PLAT: variants seen among roughly 807,000 people sequenced by gnomAD.
PLAT encodes the protein tissue-type plasminogen activator.
A neutral mutation model predicts 74.9 loss-of-function variants in PLAT; 48 were observed. The ratio of observed to expected loss-of-function variants is 0.64; its 90% CI spans 0.51 to 0.82. PLAT has a LOEUF of 0.82. Ranked by LOEUF, PLAT falls within the 40% of genes least tolerant of loss-of-function variation. The pLI is 0.00. For missense variants in PLAT, 673 were observed against 736.2 expected, an observed-to-expected ratio of 0.91 and a Z score of 0.99; for synonymous variants, 307 against 294.4, an observed-to-expected ratio of 1.04 and a Z score of -0.44.
At chr8:42,178,470 A>G (rs1031597142) in intron 13 of PLAT, among the ~76,000 whole-genome samples, 1 of 152,066 alleles carries the variant, frequency 6.6e-6, no homozygotes, top group African/African-American at 2.4e-5. Flanking sequence ...GGGTTTCTCC[A>G]TGTTGGTCAG....
Position 42,175,877 on chromosome 8 carries a change from C to A in PLAT, c.*116G>T. On this transcript the variant is annotated 3_prime_UTR_variant, in exon 14 of 14. Transcript: ENST00000220809. The stretch of plus-strand genomic sequence containing the variant: ...CCCTCTCCTGTAGGGTCTCGTCCCG[C>A]TTCTGCGGTGTGGTGGGTCTGGAGA... 1.0e-6 allele frequency: 1 copy of A among 990,656 alleles called. No individual in the cohort carries two copies. Among genetic ancestry groups the A allele is most frequent in the Non-Finnish European group, 1.5e-6 (1 of 652,642 alleles). The allele number at this position is 990,656 out of a possible 1,614,324, so 61.4% of individuals were successfully genotyped here. A position where few individuals can be genotyped will look rare whatever the true frequency, so the allele number is the denominator to read the frequency against.
intron 1 of PLAT, among the ~76,000 whole-genome samples, chr8:42,198,712 A>C (rs1427430938): frequency 6.6e-6 from 1 of 152,232 alleles, no homozygotes; most frequent in Non-Finnish European, 1.5e-5. Context: ...ATGTTGCACC[A>C]TGTGCAAAGT....
intron 1 of PLAT, among the ~76,000 whole-genome samples, chr8:42,203,990 T>TACAC (rs1476463301): frequency 4.5e-4 from 55 of 121,108 alleles, no homozygotes; most frequent in East Asian, 1.3e-3. Flanking sequence ...TATATATATA[T>TACAC]ATACACACAC....
At chr8:42,192,945 G>A (rs946057063) in intron 2 of PLAT, among the ~76,000 whole-genome samples, 169 bp downstream of exon 2, 8 of 152,230 alleles carry the variant, frequency 5.3e-5, no homozygotes, top group African/African-American at 1.9e-4. Flanking sequence ...TTGCTGTACA[G>A]AAGGGAGTGT....
Position 42,189,015 on chromosome 8 carries a change from G to A in PLAT, c.172C>T (p.Arg58Cys), listed in dbSNP as rs767004270. Residue 58 changes from arginine (R) to cysteine (C), a missense_variant, in exon 4 of 14, where the codon CGC becomes TGC. By Grantham distance (180) the Arg-to-Cys change is radical. Coordinates refer to ENST00000220809, the MANE Select transcript of PLAT (RefSeq NM_000930.5). ...ACCCGGTTGCTTCTGAGCACAGGGC[G>A]CAGCCATGACTGATGTTGCTGGTAT... ...MIYQQHQSWLRPVLRSNRVEY... is the reference protein window; with the variant it reads ...MIYQQHQSWLCPVLRSNRVEY... 8.7e-6 allele frequency: 14 copies of A among 1,613,690 alleles called. No individual in the cohort carries two copies. The highest frequency in any genetic ancestry group is 2.7e-5 in the African/African-American group (2 of 74,900).
chr8:42,179,290 C>G (rs1462987132), intron 12 of PLAT, among the ~76,000 whole-genome samples: 1 of 152,162 alleles, frequency 6.6e-6, no homozygotes, highest in African/African-American at 2.4e-5. Context: ...TGCTTCGGAC[C>G]AGGGAGGTCC....
Position 42,182,864 on chromosome 8 carries a change from C to G in PLAT, c.658G>C (p.Gly220Arg). 1 of 1,609,840 alleles carries G rather than the reference C, an allele frequency of 6.2e-7. No homozygotes were observed. Among genetic ancestry groups the G allele is most frequent in the Non-Finnish European group, 8.5e-7 (1 of 1,178,794 alleles). Reference sequence around the variant, plus strand: ...CTGTGCGTGCCACGGTAGGCTGACCCATTCCCAAAGTAGCAGTCACTGTTT... The same window carrying G: ...CTGTGCGTGCCACGGTAGGCTGACCGATTCCCAAAGTAGCAGTCACTGTTT... ...EGNSDCYFGN[G>R]SAYRGTHSLT... Residue 220 changes from glycine (G) to arginine (R), a missense_variant, in exon 8 of 14, where the codon GGG becomes CGG. Transcript: ENST00000220809.
intron 2 of PLAT, among the ~76,000 whole-genome samples, chr8:42,192,655 T>A (rs2129772450): frequency 6.6e-6 from 1 of 152,348 alleles, no homozygotes; most frequent in Admixed American, 6.5e-5. Context: ...TAGAGATGAT[T>A]TAAAGTATAC....
Position 42,180,270 on chromosome 8 carries a change from G to T in PLAT, c.1194C>A (p.Phe398Leu). The T allele has an allele frequency of 6.2e-7, 1 of 1,614,194 alleles. No homozygotes were observed. The highest frequency in any genetic ancestry group is 8.5e-7 in the Non-Finnish European group (1 of 1,180,022). The change falls in exon 11 of 14, where the codon TTC (phenylalanine) becomes TTA (leucine). Residue 398 changes from phenylalanine (F) to leucine (L), a missense_variant. By Grantham distance (22) the Phe-to-Leu change is conservative (BLOSUM62 0). Transcript: ENST00000220809. ...TGTCATTGTCGTAAGTGTCATCATC[G>T]AATTCCTTATGGACAATGTATTTTT... The part of the protein sequence containing the change: ...EVEKYIVHKE[F>L]DDDTYDNDIA...
intron 6 of PLAT, chr8:42,186,878 CTATT>C (rs1015721774): frequency 1.0e-4 from 10 of 100,054 alleles, no homozygotes; most frequent in African/African-American, 2.4e-4. Flanking sequence ...CATCTATCAT[CTATT>C]TATCATTATC....
chr8:42,201,305 G>A (rs547217145), intron 1 of PLAT, among the ~76,000 whole-genome samples: 2 of 152,266 alleles, frequency 1.3e-5, no homozygotes, highest in East Asian at 1.9e-4. Context: ...AATCATTTCC[G>A]TCTTGCTGAA....
At chr8:42,197,477 G>A (rs1805953037) in intron 1 of PLAT, among the ~76,000 whole-genome samples, 1 of 152,226 alleles carries the variant, frequency 6.6e-6, no homozygotes, top group African/African-American at 2.4e-5. Context: ...TTTCCTGGGA[G>A]ATGTACTGTT....
At chr8:42,204,849 CTCT>C (rs1369373653) in intron 1 of PLAT, among the ~76,000 whole-genome samples, 1 of 151,894 alleles carries the variant, frequency 6.6e-6, no homozygotes, top group African/African-American at 2.4e-5. Context: ...GAAACCCTGT[CTCT>C]ACTAAAAATA....
At chr8:42,181,866 C>T in intron 9 of PLAT, 71 bp downstream of exon 9, 1 of 921,156 alleles carries the variant, frequency 1.1e-6, no homozygotes, top group Non-Finnish European at 1.8e-6. Context: ...CCATGAAGGC[C>T]TAGAAAGTGG....
chr8:42,189,109 C>T lies in PLAT; in HGVS notation c.116-38G>A, dbSNP rs769588492. The T allele has an allele frequency of 2.2e-5, 35 of 1,599,250 alleles. 1 individual carries two copies. The South Asian group carries it at 3.7e-4, about 17-fold the overall frequency. ...ACAGGCCAGCCTCATCAGAGTATGA[C>T]TCAAAATGAAATGCCTCACTACCCT... is the stretch of plus-strand genomic sequence containing the variant. On this transcript the variant is annotated intron_variant, in intron 3 of 13. Coordinates refer to ENST00000220809, the MANE Select transcript of PLAT (RefSeq NM_000930.5).
chr8:42,195,334 G>C (rs556361684), intron 1 of PLAT, among the ~76,000 whole-genome samples: 1 of 152,330 alleles, frequency 6.6e-6, no homozygotes, highest in South Asian at 2.1e-4. Flanking sequence ...GAGGGCGAGG[G>C]AAACCTGCAG....
intron 1 of PLAT, chr8:42,193,833 A>C (rs1587939852): frequency 6.6e-6 from 1 of 151,552 alleles, no homozygotes; most frequent in South Asian, 2.1e-4. Flanking sequence ...CTCATGTCTC[A>C]GCCTCCTGAG....
chr8:42,180,410 T>G, intron 10 of PLAT, 32 bp from the exon 11 acceptor site: 1 of 1,614,028 alleles, frequency 6.2e-7, no homozygotes, highest in Non-Finnish European at 8.5e-7. Flanking sequence ...AATGCTTTTT[T>G]TGCTGTGGGA....
At chr8:42,195,669 C>T (rs1805879370) in intron 1 of PLAT, 1 of 152,238 alleles carries the variant, frequency 6.6e-6, no homozygotes, top group South Asian at 2.1e-4. Context: ...TCTTTCTCAG[C>T]TTTCCTCAAA....
Sources: allele counts gnomAD v4.1 joint callset (sites outside exome capture counted in the v4.1 genomes callset), GRCh38; gene constraint gnomAD v4.1.1; transcripts MANE v1.5; gene names NCBI Gene and HGNC (gene_info 2026-07-23, HGNC 2026-07-21).